The following LHFPL3 variants were observed in gnomAD, a reference collection of about 807,000 sequenced individuals.
LHFPL3 encodes LHFPL tetraspan subfamily member 3.
Under a neutral mutation model 19.3 loss-of-function variants are expected in LHFPL3, and 5 were observed. The ratio of observed to expected loss-of-function variants is 0.26; its 90% confidence interval spans 0.14 to 0.54. LHFPL3 has a LOEUF of 0.54. LHFPL3 is among the 20% of genes least tolerant of loss of function. LHFPL3 has a pLI of 0.94. For synonymous variants in LHFPL3, 133 were observed against 126.2 expected, an observed-to-expected ratio of 1.05 and a Z score of -0.36; for missense variants, 249 against 307.4, an observed-to-expected ratio of 0.81 and a Z score of 1.42.
intron 2 of LHFPL3, among the ~76,000 whole-genome samples, chr7:104,792,336 G>C (rs1790038754): frequency 6.6e-6 from 1 of 152,174 alleles, no homozygotes. Context: ...CCAGCTTCTG[G>C]CCTGGAAGCC....
chr7:104,556,878 C>G (rs975759416), intron 1 of LHFPL3, among the ~76,000 whole-genome samples: 3 of 152,134 alleles, frequency 2.0e-5, no homozygotes, highest in Non-Finnish European at 4.4e-5. Flanking sequence ...CACCAGATAC[C>G]CTAAATCATC....
chr7:104,353,735 A>G (rs1790221947), intron 1 of LHFPL3, among the ~76,000 whole-genome samples: 1 of 152,206 alleles, frequency 6.6e-6, no homozygotes, highest in Non-Finnish European at 1.5e-5. Flanking sequence ...TTTCTGTTTA[A>G]GGAGCCTTGG....
chr7:104,698,825 G>C (rs1430061629), intron 1 of LHFPL3, among the ~76,000 whole-genome samples: 2 of 152,154 alleles, frequency 1.3e-5, no homozygotes, highest in African/African-American at 4.8e-5. Flanking sequence ...TAGCCAGAAT[G>C]TATAAAGAAC....
intron 1 of LHFPL3, among the ~76,000 whole-genome samples, chr7:104,677,378 AG>A (rs201587094): frequency 1.3e-4 from 19 of 150,552 alleles, no homozygotes; most frequent in Non-Finnish European, 1.5e-4. Context: ...AAAAAAAAAA[AG>A]GAAGAAAAAG....
At chr7:104,363,448 G>T (rs1490802985) in intron 1 of LHFPL3, among the ~76,000 whole-genome samples, 1 of 152,238 alleles carries the variant, frequency 6.6e-6, no homozygotes, top group Non-Finnish European at 1.5e-5. Flanking sequence ...TCAAATCTCA[G>T]TAGTTGAACC....
chr7:104,733,640 G>A (rs1793746132), intron 1 of LHFPL3, among the ~76,000 whole-genome samples: 2 of 152,150 alleles, frequency 1.3e-5, no homozygotes, highest in Non-Finnish European at 2.9e-5. Context: ...TGGGTTTCCT[G>A]AATACAGCAC....
At chr7:104,592,585 C>G (rs558888181) in intron 1 of LHFPL3, among the ~76,000 whole-genome samples, 32 of 152,248 alleles carry the variant, frequency 2.1e-4, no homozygotes, top group African/African-American at 7.7e-4. Flanking sequence ...TATCTGTTCT[C>G]AGATCTCAAA....
At chr7:104,422,666 A>G (rs1254842893) in intron 1 of LHFPL3, among the ~76,000 whole-genome samples, 2 of 152,230 alleles carry the variant, frequency 1.3e-5, no homozygotes, top group East Asian at 3.8e-4. Context: ...CTCTCTGAGC[A>G]TCAGTTTCCT....
intron 1 of LHFPL3, among the ~76,000 whole-genome samples, chr7:104,585,470 AACACACACAAAC>A (rs1790550316): frequency 5.6e-5 from 2 of 35,638 alleles, no homozygotes; most frequent in East Asian, 1.7e-3. Flanking sequence ...GGAATAAGGC[AACACACACAAAC>A]ACACACACAC....
At chr7:104,515,196 A>C (rs1384772643) in intron 1 of LHFPL3, among the ~76,000 whole-genome samples, 1 of 152,194 alleles carries the variant, frequency 6.6e-6, no homozygotes, top group Non-Finnish European at 1.5e-5. Flanking sequence ...CTCATTTTCA[A>C]AATAGCAGTT....
intron 2 of LHFPL3, among the ~76,000 whole-genome samples, chr7:104,893,587 T>C (rs1485300832): frequency 6.6e-6 from 1 of 152,214 alleles, no homozygotes; most frequent in Non-Finnish European, 1.5e-5. Flanking sequence ...TTTTTTGCTA[T>C]GATAATCTTA....
intron 1 of LHFPL3, among the ~76,000 whole-genome samples, chr7:104,736,013 T>C (rs182764508): frequency 1.3e-3 from 203 of 152,346 alleles, no homozygotes; most frequent in Non-Finnish European, 2.2e-3. Flanking sequence ...CTGAATCATA[T>C]TGTGGTTCTA....
At chr7:104,516,805 A>G (rs1793930033) in intron 1 of LHFPL3, among the ~76,000 whole-genome samples, 1 of 152,148 alleles carries the variant, frequency 6.6e-6, no homozygotes, top group Non-Finnish European at 1.5e-5. Context: ...ATATATACCC[A>G]AAGGAATATA....
chr7:104,506,121 A>T (rs1254617719), intron 1 of LHFPL3, among the ~76,000 whole-genome samples: 1 of 151,466 alleles, frequency 6.6e-6, no homozygotes, highest in East Asian at 1.9e-4. Flanking sequence ...AGTTCAAGTG[A>T]TTCTCCTGCC....
At chr7:104,681,620 T>TTA (rs1346942642) in intron 1 of LHFPL3, among the ~76,000 whole-genome samples, 1 of 117,156 alleles carries the variant, frequency 8.5e-6, no homozygotes, top group Non-Finnish European at 1.8e-5. Context: ...AGACTAAGGC[T>TTA]CAAAAAAAAA....
At chr7:104,769,657 T>C (rs1477682587) in intron 2 of LHFPL3, among the ~76,000 whole-genome samples, 1 of 149,374 alleles carries the variant, frequency 6.7e-6, no homozygotes, top group Non-Finnish European at 1.5e-5. Flanking sequence ...CCCCTCCCTG[T>C]GTCCATGTGT....
intron 1 of LHFPL3, among the ~76,000 whole-genome samples, chr7:104,559,289 A>T (rs1789932418): frequency 6.8e-6 from 1 of 146,544 alleles, no homozygotes; most frequent in Non-Finnish European, 1.5e-5. Flanking sequence ...CATTTTCACA[A>T]TATTGATTCT....
At chr7:104,692,043 T>C (rs1175189553) in intron 1 of LHFPL3, among the ~76,000 whole-genome samples, 2 of 152,186 alleles carry the variant, frequency 1.3e-5, no homozygotes, top group Non-Finnish European at 2.9e-5. Flanking sequence ...GTGGCATTTT[T>C]CCCCTGCCCT....
intron 1 of LHFPL3, among the ~76,000 whole-genome samples, chr7:104,452,588 G>T (rs889375875): frequency 6.6e-6 from 1 of 151,966 alleles, no homozygotes; most frequent in Non-Finnish European, 1.5e-5. Flanking sequence ...ACATTTTTTT[G>T]TTTACCAGAT....
Sources: allele counts gnomAD v4.1 joint callset (sites outside exome capture counted in the v4.1 genomes callset), GRCh38; gene constraint gnomAD v4.1.1; transcripts MANE v1.5; gene names NCBI Gene and HGNC (gene_info 2026-07-23, HGNC 2026-07-21).